The following ZNF28 variants were observed in gnomAD, a reference collection of about 807,000 sequenced individuals.
The protein encoded by ZNF28 is zinc finger protein 28.
Under a neutral mutation model 7.2 loss-of-function variants are expected in ZNF28, and 5 were observed. That is an observed-to-expected ratio of 0.70 (90% CI 0.36 to 1.46). The LOEUF (loss-of-function observed/expected upper bound fraction) is 1.46, where lower values mean the gene tolerates loss of function less well. Ranked by LOEUF, ZNF28 falls within the 40% of genes most tolerant of loss-of-function variation. The pLI is 0.03. For synonymous variants in ZNF28, 288 were observed against 292.4 expected (o/e 0.99, Z 0.15); for missense variants, 879 against 866.6 (o/e 1.01, Z -0.18).
chr19:52,810,972 C>T (rs61567227), intron 2 of ZNF28, among the ~76,000 whole-genome samples: 14,020 of 137,596 alleles, frequency 0.1, 1,212 homozygotes, highest in African/African-American at 0.21. Context: ...GCCATCTCGG[C>T]TCACTGCAAC....
chr19:52,805,861 TC>T (rs1271262514), intron 3 of ZNF28: 1 of 151,856 alleles, frequency 6.6e-6, no homozygotes. Flanking sequence ...ATATCTGTAA[TC>T]CCAGCTTCTC....
rs529152953 is a variant in ZNF28 at position 52,810,081 on chromosome 19, C to T, written c.16-1948G>A. ...CCTGGGAGCTCCAGGACCTGGGCCT[C>T]GTTCAGGAGCCACCGGCAGCCAAGA... On this transcript the variant is annotated intron_variant, in intron 2 of 3. Transcript: ENST00000457749. 119 of 762,526 alleles carry T rather than the reference C, an allele frequency of 1.6e-4. 3 individuals carry two copies. In the East Asian group the frequency reaches 3.0e-3, roughly 19 times the overall value. 47.2% of individuals were successfully genotyped at this position (762,526 alleles called of 1,614,324 possible). A position where few individuals can be genotyped will look rare whatever the true frequency, so the allele number is the denominator to read the frequency against.
Position 52,801,504 on chromosome 19 carries a change from G to A in ZNF28, c.341C>T (p.Thr114Ile). 1.9e-6 allele frequency: 3 copies of A among 1,614,014 alleles called. No homozygotes were observed. The highest frequency in any genetic ancestry group is 1.7e-6 in the Non-Finnish European group (2 of 1,179,932). The stretch of plus-strand genomic sequence containing the variant: ...ACTACCAGTCAACTCTTTGATTTCT[G>A]TCATGGGTGCTGCATGGTCATTTGT... ...DETNDHAAPMTEIKELTGSTG... is the reference protein window; with the variant it reads ...DETNDHAAPMIEIKELTGSTG... Residue 114 changes from threonine (T) to isoleucine (I), a missense_variant, in exon 4 of 4, where the codon ACA becomes ATA. Transcript: ENST00000457749.
At chr19:52,814,872 G>A (rs2063102300) in intron 2 of ZNF28, among the ~76,000 whole-genome samples, 1 of 146,476 alleles carries the variant, frequency 6.8e-6, no homozygotes, top group Non-Finnish European at 1.5e-5. Context: ...GGGCAACAGA[G>A]CCAGACCTTG....
chr19:52,804,920 G>A (rs2147628075), intron 3 of ZNF28, among the ~76,000 whole-genome samples: 1 of 152,300 alleles, frequency 6.6e-6, no homozygotes. Context: ...TTAAGAGTCT[G>A]TACTGTAAAA....
Position 52,804,738 on chromosome 19 carries a change from C to T in ZNF28, c.143-3036G>A, listed in dbSNP as rs113208039. Among the ~76,000 whole-genome samples, 234 of 152,182 alleles carry T rather than the reference C, an allele frequency of 1.5e-3. 2 individuals carry two copies. The highest frequency in any genetic ancestry group is 5.4e-3 in the African/African-American group (223 of 41,494). ...CAGACTGGTCTCAAACTCCTGACCT[C>T]AAGCGATCTACCCACCTTGGTCTCT... On this transcript the variant is annotated intron_variant, in intron 3 of 3. Transcript: ENST00000457749.
intron 1 of ZNF28, among the ~76,000 whole-genome samples, chr19:52,820,108 C>CTTT (rs71183842): frequency 9.1e-5 from 11 of 120,322 alleles, no homozygotes; most frequent in Non-Finnish European, 1.5e-4. Flanking sequence ...TATTTAACCT[C>CTTT]TTTTTTTTTT....
intron 2 of ZNF28, among the ~76,000 whole-genome samples, chr19:52,811,694 G>A (rs1484262399): frequency 2.7e-5 from 4 of 147,408 alleles, no homozygotes; most frequent in Non-Finnish European, 4.5e-5. Flanking sequence ...CCCTCCGTCC[G>A]GCAACCACCC....
chr19:52,810,715 T>C (rs770809333), intron 2 of ZNF28: 4 of 747,776 alleles, frequency 5.3e-6, no homozygotes, highest in Non-Finnish European at 9.6e-6. Flanking sequence ...CTAAAAAAAA[T>C]GTGTATTAGG....
In ZNF28 at chr19:52,807,486, T is replaced by C. The variant is rs558527728; in HGVS notation, c.142+521A>G. ...GCCATAAGGTTTGTTTTTGTCTTTG[T>C]TTTTTGAGACAGAGTCTTGCTCTGT... On this transcript the variant is annotated intron_variant, in intron 3 of 3. Transcript: ENST00000457749. Among the ~76,000 whole-genome samples the C allele has an allele frequency of 3.4e-4, 52 of 152,212 alleles. No individual in the cohort carries two copies. The South Asian group carries it at 4.8e-3, about 14-fold the overall frequency.
At chr19:52,815,820 A>G (rs188569705) in intron 2 of ZNF28, among the ~76,000 whole-genome samples, 2,961 of 146,554 alleles carry the variant, frequency 0.02, 533 homozygotes, top group African/African-American at 0.075. Context: ...GCGAGGCTCC[A>G]TCTCAAAAAA....
chr19:52,801,917 T>C (rs990924222), intron 3 of ZNF28, among the ~76,000 whole-genome samples: 1 of 152,176 alleles, frequency 6.6e-6, no homozygotes, highest in East Asian at 1.9e-4. Flanking sequence ...TCCTATATCA[T>C]GACAAAACAC....
intron 3 of ZNF28, among the ~76,000 whole-genome samples, chr19:52,806,982 G>C (rs1299731584): frequency 6.6e-6 from 1 of 152,186 alleles, no homozygotes; most frequent in African/African-American, 2.4e-5. Flanking sequence ...TCAGAGATGT[G>C]AGGATTTAAA....
At position 52,800,464 on chromosome 19, in the gene ZNF28, GA is replaced by G; in HGVS notation, c.1380del (p.His461IlefsTer163). 6.2e-7 allele frequency: 1 copy of G among 1,613,638 alleles called. No homozygotes were observed. Among genetic ancestry groups the G allele is most frequent in the African/African-American group, 1.3e-5 (1 of 74,930 alleles). On this transcript the variant is annotated frameshift_variant, in exon 4 of 4. Coordinates refer to ENST00000457749, the MANE Select transcript of ZNF28 (RefSeq NM_006969.5). LOFTEE classifies it low-confidence loss of function (END_TRUNC). The stretch of plus-strand genomic sequence containing the variant: ...CATTTGTATGGTTTCTCTGCAGTAT[GA>G]AGTCTATGATGGCGTGCAAGAGTTG... ...QQSTLARHHRLHTAEKPYKCE... is the reference protein window; with the variant it reads ...QQSTLARHHRXHTAEKPYKCE...
intron 1 of ZNF28, among the ~76,000 whole-genome samples, chr19:52,821,108 G>C (rs1419573714): frequency 1.3e-5 from 2 of 152,092 alleles, no homozygotes; most frequent in African/African-American, 4.8e-5. Context: ...GGGAGCAGCA[G>C]GGCCCAGCAA....
At chr19:52,815,821 T>A (rs1910902747) in intron 2 of ZNF28, among the ~76,000 whole-genome samples, 1 of 144,976 alleles carries the variant, frequency 6.9e-6, no homozygotes. Flanking sequence ...CGAGGCTCCA[T>A]CTCAAAAAAA....
chr19:52,813,249 GAAAAAAAA>G lies in ZNF28; in HGVS notation c.15+4687_15+4694del, dbSNP rs71183837. Among the ~76,000 whole-genome samples the G allele has an allele frequency of 4.0e-4, 25 of 62,984 alleles. 1 individual carries two copies. The highest frequency in any genetic ancestry group is 1.2e-3 in the Admixed American group (5 of 4,204). 41.3% of individuals were successfully genotyped at this position (62,984 alleles called of 152,430 possible). On this transcript the variant is annotated intron_variant, in intron 2 of 3. Coordinates refer to ENST00000457749, the MANE Select transcript of ZNF28 (RefSeq NM_006969.5). ...TATGAAGATTAAAAACTTGAATGGT[GAAAAAAAA>G]AAAAAAAAAAAAAAGACATACTGTG...
chr19:52,811,877 G>T (rs1411979578), intron 2 of ZNF28, among the ~76,000 whole-genome samples: 1 of 138,030 alleles, frequency 7.2e-6, no homozygotes, highest in South Asian at 2.4e-4. Flanking sequence ...CGCCCCGTCC[G>T]GGAGGGAGGT....
chr19:52,804,031 C>T (rs1350617479), intron 3 of ZNF28, among the ~76,000 whole-genome samples: 4 of 152,154 alleles, frequency 2.6e-5, no homozygotes, highest in African/African-American at 9.7e-5. Flanking sequence ...ATAGGATGTT[C>T]CTGCAGATGC....
Sources: gnomAD v4.1 joint callset for allele counts (sites outside exome capture counted in the v4.1 genomes callset) on GRCh38, gnomAD v4.1.1 for gene constraint, MANE v1.5 for transcripts, NCBI Gene and HGNC (gene_info 2026-07-23, HGNC 2026-07-21) for gene names.